WAPL: variants seen among roughly 807,000 people sequenced by gnomAD.
WAPL encodes WAPL cohesin release factor.
Under a neutral mutation model 121.0 loss-of-function variants are expected in WAPL, and 5 were observed. The observed-to-expected ratio is 0.04, with a 90% CI of 0.02 to 0.09. The LOEUF (loss-of-function observed/expected upper bound fraction) is 0.09, where lower values mean the gene tolerates loss of function less well. WAPL is among the 10% of genes least tolerant of loss of function. The pLI is 1.00. For missense variants in WAPL, 999 were observed against 1,410.8 expected, an observed-to-expected ratio of 0.71 and a Z score of 4.68; for synonymous variants, 480 against 481.5, an observed-to-expected ratio of 1.00 and a Z score of 0.04.
Position 86,499,941 on chromosome 10 carries a change from A to G in WAPL, c.1302T>C (p.His434=). The G allele has an allele frequency of 6.2e-7, 1 of 1,614,090 alleles. No homozygotes were observed. The highest frequency in any genetic ancestry group is 1.1e-5 in the South Asian group (1 of 91,082). ...VKLEFFGFED[H]ETGGDEGGSG... ...AACCTCCTTCATCACCTCCTGTCTCATGATCTTCAAAACCAAAAAATTCAA... is the reference window on the plus strand; with the variant it reads ...AACCTCCTTCATCACCTCCTGTCTCGTGATCTTCAAAACCAAAAAATTCAA... The change falls in exon 3 of 19, where the codon CAT becomes CAC. Residue 434 remains histidine, a synonymous_variant. Coordinates refer to ENST00000298767, the MANE Select transcript of WAPL (RefSeq NM_015045.5).
rs764197305 is a variant in WAPL, at chr10:86,452,057, C to T, written c.3024G>A (p.Ser1008=). The part of the protein sequence containing the change: ...NRHCLVNMET[S]CSFDSSICSG... ...TACAGATGGAAGAATCAAAAGAGCA[C>T]GATGTTTCCATGTTGACAAGACAGT... Residue 1008 remains serine (S), a synonymous_variant, in exon 15 of 19, where the codon TCG becomes TCA. Coordinates refer to ENST00000298767, the MANE Select transcript of WAPL (RefSeq NM_015045.5). 1.2e-5 allele frequency: 19 copies of T among 1,613,938 alleles called. No homozygotes were observed. The Admixed American group carries it at 1.5e-4, about 13-fold the overall frequency.
chr10:86,505,571 G>C (rs1842333932), intron 2 of WAPL, among the ~76,000 whole-genome samples: 1 of 151,942 alleles, frequency 6.6e-6, no homozygotes, highest in African/African-American at 2.4e-5. Context: ...ACAGGCATGA[G>C]CCACCGCGCC....
chr10:86,500,154 T>C lies in WAPL; in HGVS notation c.1089A>G (p.Pro363=). The part of the protein sequence containing the change: ...GRTRDYTVLH[P]SCLSVCNVTI... ...TAACATTACAAACTGACAAGCAAGATGGATGTAAAACAGTGTAATCTCTAG... is the reference window on the plus strand; with the variant it reads ...TAACATTACAAACTGACAAGCAAGACGGATGTAAAACAGTGTAATCTCTAG... The change falls in exon 3 of 19, where the codon CCA becomes CCG. Residue 363 remains proline (P), a synonymous_variant. Coordinates refer to ENST00000298767, the MANE Select transcript of WAPL (RefSeq NM_015045.5). 6.2e-7 allele frequency: 1 copy of C among 1,614,154 alleles called. No homozygotes were observed. The highest frequency in any genetic ancestry group is 8.5e-7 in the Non-Finnish European group (1 of 1,180,036).
rs780356272 is a variant in WAPL at position 86,473,885 on chromosome 10, C to T, written c.1733G>A (p.Ser578Asn). Residue 578 changes from serine (S) to asparagine (N), a missense_variant, in exon 5 of 19, where the codon AGT (serine) becomes AAT (asparagine). Ser to Asn is a conservative substitution (Grantham distance 46). Around this residue, in one of 7 missense-constraint regions of WAPL, gnomAD observed 74 missense variants for 115.1 expected, o/e 0.64. Coordinates refer to ENST00000298767, the MANE Select transcript of WAPL (RefSeq NM_015045.5). ...TAAGTACAGTTCACTTACTGTGACACTCTGAGGTTTTACTACTGGTGGCCC... is the reference window on the plus strand; with the variant it reads ...TAAGTACAGTTCACTTACTGTGACATTCTGAGGTTTTACTACTGGTGGCCC... ...LPGPPVVKPQSVTVRLSSKEP... is the reference protein window; with the variant it reads ...LPGPPVVKPQNVTVRLSSKEP... 1 of 1,612,656 alleles carries T rather than the reference C, an allele frequency of 6.2e-7. No homozygotes were observed.
At chr10:86,438,725 T>A (rs1038099039) in intron 17 of WAPL, among the ~76,000 whole-genome samples, 4 of 152,188 alleles carry the variant, frequency 2.6e-5, no homozygotes, top group African/African-American at 9.7e-5. Context: ...AAAATTCACA[T>A]CCTTCACAGA....
chr10:86,460,140 C>A (rs1404327789), intron 11 of WAPL, among the ~76,000 whole-genome samples: 1 of 152,020 alleles, frequency 6.6e-6, no homozygotes. Flanking sequence ...ATAATAAAAT[C>A]TTTAAAAAAG....
At chr10:86,504,821 T>G (rs1564586950) in intron 2 of WAPL, among the ~76,000 whole-genome samples, 1 of 151,926 alleles carries the variant, frequency 6.6e-6, no homozygotes, top group Non-Finnish European at 1.5e-5. Flanking sequence ...GGCTCCATCT[T>G]GACAACAAAA....
intron 4 of WAPL, among the ~76,000 whole-genome samples, chr10:86,486,069 T>C (rs1193871765): frequency 1.3e-5 from 2 of 152,176 alleles, no homozygotes; most frequent in Admixed American, 6.6e-5. Context: ...ACCAATCCAA[T>C]TGCTACAGTC....
At chr10:86,440,350 C>T (rs1016679201) in intron 17 of WAPL, among the ~76,000 whole-genome samples, 1 of 150,900 alleles carries the variant, frequency 6.6e-6, no homozygotes, top group Admixed American at 6.6e-5. Context: ...TGCAGTGGTG[C>T]GATCTCCACT....
chr10:86,490,313 T>C (rs1842019195), intron 4 of WAPL, among the ~76,000 whole-genome samples: 1 of 152,176 alleles, frequency 6.6e-6, no homozygotes, highest in Non-Finnish European at 1.5e-5. Flanking sequence ...TAGCAATAAT[T>C]TTCTTAATTT....
chr10:86,465,721 C>T (rs965126143), intron 9 of WAPL, among the ~76,000 whole-genome samples: 2 of 152,166 alleles, frequency 1.3e-5, no homozygotes, highest in African/African-American at 4.8e-5. Flanking sequence ...GATCCCGAGA[C>T]ACAGATACGG....
At chr10:86,456,564 C>T (rs118144707) in intron 12 of WAPL, among the ~76,000 whole-genome samples, 1,702 of 152,294 alleles carry the variant, frequency 0.011, 19 homozygotes, top group Middle Eastern at 0.037. Flanking sequence ...GTTGATTCTT[C>T]ATGCATTATA....
chr10:86,510,068 CTTTTTTT>C (rs11323475), intron 2 of WAPL, among the ~76,000 whole-genome samples: 1 of 57,200 alleles, frequency 1.7e-5, no homozygotes, highest in Non-Finnish European at 2.9e-5. Flanking sequence ...TCCACCCGGC[CTTTTTTT>C]TTTTTTTTTT....
chr10:86,479,604 A>T (rs1841735977), intron 4 of WAPL, among the ~76,000 whole-genome samples: 2 of 152,248 alleles, frequency 1.3e-5, no homozygotes, highest in Admixed American at 1.3e-4. Context: ...CAAGAAGAGC[A>T]AATTTATTTA....
chr10:86,504,054 G>A (rs552309946), intron 2 of WAPL, among the ~76,000 whole-genome samples: 3 of 152,200 alleles, frequency 2.0e-5, no homozygotes, highest in East Asian at 1.9e-4. Context: ...CATGCCAGTC[G>A]TCCTCGCTAC....
chr10:86,502,951 A>G (rs1470210884), intron 2 of WAPL, among the ~76,000 whole-genome samples: 1 of 150,188 alleles, frequency 6.7e-6, no homozygotes, highest in African/African-American at 2.5e-5. Context: ...TGAGGTCAGG[A>G]GTTCGAGGCC....
chr10:86,499,938 C>G lies in WAPL; in HGVS notation c.1305G>C (p.Glu435Asp). The G allele has an allele frequency of 6.2e-7, 1 of 1,614,054 alleles. No individual in the cohort carries two copies. The highest frequency in any genetic ancestry group is 8.5e-7 in the Non-Finnish European group (1 of 1,179,994). Reference sequence around the variant, plus strand: ...CAGAACCTCCTTCATCACCTCCTGTCTCATGATCTTCAAAACCAAAAAATT... The same window carrying G: ...CAGAACCTCCTTCATCACCTCCTGTGTCATGATCTTCAAAACCAAAAAATT... The part of the protein sequence containing the change: ...KLEFFGFEDH[E>D]TGGDEGGSGS... The change falls in exon 3 of 19, where the codon GAG (glutamate) becomes GAC (aspartate). Residue 435 changes from glutamate to aspartate, a missense_variant. Glu to Asp is a conservative substitution (Grantham distance 45, BLOSUM62 2). Transcript: ENST00000298767.
chr10:86,440,328 C>A (rs575413225), intron 17 of WAPL, among the ~76,000 whole-genome samples: 1 of 151,158 alleles, frequency 6.6e-6, no homozygotes, highest in African/African-American at 2.4e-5. Context: ...CGCTCTGTTG[C>A]CCAGGCTGGA....
Position 86,500,300 on chromosome 10 carries a change from T to C in WAPL, c.943A>G (p.Met315Val). ...GCTAAGGCCTGACTGGTGCCGTCCA[T>C]CAGCTTATCAAAATTTGATGCTCCT... ...SQGASNFDKLMDGTSQALAKA... is the reference protein window; with the variant it reads ...SQGASNFDKLVDGTSQALAKA... The change falls in exon 3 of 19, where the codon ATG becomes GTG. Residue 315 changes from methionine to valine, a missense_variant. Coordinates refer to ENST00000298767, the MANE Select transcript of WAPL (RefSeq NM_015045.5). 1 of 1,614,244 alleles carries C rather than the reference T, an allele frequency of 6.2e-7. No individual in the cohort carries two copies. Among genetic ancestry groups the C allele is most frequent in the South Asian group, 1.1e-5 (1 of 91,088 alleles).
Sources: allele counts gnomAD v4.1 joint callset (sites outside exome capture counted in the v4.1 genomes callset), GRCh38; gene constraint gnomAD v4.1.1; regional missense constraint gnomAD v4.1.1; transcripts MANE v1.5; gene names NCBI Gene and HGNC (gene_info 2026-07-23, HGNC 2026-07-21).